ZNF30: variants seen among roughly 807,000 people sequenced by gnomAD.
ZNF30 encodes zinc finger protein 30, also known as zinc finger protein 30 (KOX 28).
ZNF30 carries 15 observed loss-of-function variants against 13.2 expected under a neutral mutation model. The ratio of observed to expected loss-of-function variants is 1.13; its 90% CI spans 0.76 to 1.75. The LOEUF (loss-of-function observed/expected upper bound fraction) is 1.75, where lower values mean the gene tolerates loss of function less well. Among genes scored for constraint, ZNF30 ranks in the 40% most tolerant of loss-of-function variants. The pLI is 0.00. For missense variants in ZNF30, 726 were observed against 757.0 expected (o/e 0.96, Z 0.48); for synonymous variants, 223 against 256.6 (o/e 0.87, Z 1.25).
At chr19:34,929,500 C>G (rs1317218571) in intron 1 of ZNF30, among the ~76,000 whole-genome samples, 2 of 152,180 alleles carry the variant, frequency 1.3e-5, no homozygotes, top group Admixed American at 6.5e-5. Flanking sequence ...CTTGACCAAC[C>G]TCAGATTTAT....
At chr19:34,942,460 GAAA>G in intron 4 of ZNF30, 1 of 355,104 alleles carries the variant, frequency 2.8e-6, no homozygotes, top group Non-Finnish European at 4.8e-6. Context: ...AAAAAGAAAA[GAAA>G]AAAAGAAAAA....
intron 2 of ZNF30, among the ~76,000 whole-genome samples, chr19:34,930,502 T>A (rs2012390286): frequency 6.6e-6 from 1 of 152,276 alleles, no homozygotes; most frequent in East Asian, 1.9e-4. Flanking sequence ...GAATGGGACC[T>A]GCCAGACTTG....
chr19:34,925,742 C>T (rs1358324823), upstream of ZNF30, among the ~76,000 whole-genome samples: 2 of 152,112 alleles, frequency 1.3e-5, no homozygotes, highest in African/African-American at 4.8e-5. Context: ...CCTCCTGTAC[C>T]CAGCACCTCC....
intron 1 of ZNF30, among the ~76,000 whole-genome samples, chr19:34,929,580 G>C (rs138130180): frequency 1.8e-4 from 28 of 152,324 alleles, no homozygotes; most frequent in Admixed American, 1.4e-3. Context: ...CGTGGGAATG[G>C]AGTGAGGAGA....
Position 34,944,387 on chromosome 19 carries a change from A to T in ZNF30, c.1421A>T (p.His474Leu). 6.2e-7 allele frequency: 1 copy of T among 1,614,228 alleles called. No homozygotes were observed. Among genetic ancestry groups the T allele is most frequent in the Non-Finnish European group, 8.5e-7 (1 of 1,180,048 alleles). The change falls in exon 5 of 5, where the codon CAT becomes CTT. Residue 474 changes from histidine (H) to leucine (L), a missense_variant. By Grantham distance (99) the His-to-Leu change is moderately conservative. Coordinates refer to ENST00000601142, the MANE Select transcript of ZNF30 (RefSeq NM_194325.3). ...AGAGTGCACGTACATCTCACACAGC[A>T]TCGGAAAATTCATACTGATGTAAAG... ...AFRVHVHLTQ[H>L]RKIHTDVKPY...
chr19:34,942,684 T>C (rs1040335207), intron 4 of ZNF30: 3 of 1,274,744 alleles, frequency 2.4e-6, no homozygotes, highest in Middle Eastern at 2.1e-4. Flanking sequence ...GTGAGAAAAT[T>C]TGTAAGAACG....
upstream of ZNF30, among the ~76,000 whole-genome samples, chr19:34,925,630 G>A (rs2012042781): frequency 6.6e-6 from 1 of 152,116 alleles, no homozygotes; most frequent in Non-Finnish European, 1.5e-5. Flanking sequence ...GGCCAGGGTG[G>A]TCTTGGGAAA....
chr19:34,927,248 G>C (rs992439211), intron 1 of ZNF30, 32 bp downstream of exon 1: 2 of 371,060 alleles, frequency 5.4e-6, no homozygotes, highest in Non-Finnish European at 9.6e-6. Flanking sequence ...CGAGGATCCC[G>C]GGCCGGCGAG....
In ZNF30 at chr19:34,943,420, G is replaced by A. The variant is rs543456020; in HGVS notation, c.454G>A (p.Glu152Lys). ...HSSEKPNRCK[E>K]CGKNFSNGHQ... ...TAGTGAAAAACCCAACAGATGTAAA[G>A]AATGTGGGAAGAACTTTAGTAATGG... The change falls in exon 5 of 5, where the codon GAA becomes AAA. Residue 152 changes from glutamate (E) to lysine (K), a missense_variant. By Grantham distance (56) the Glu-to-Lys change is moderately conservative. Transcript: ENST00000601142. 2 of 1,613,946 alleles carry A rather than the reference G, an allele frequency of 1.2e-6. No individual in the cohort carries two copies. Among genetic ancestry groups the A allele is most frequent in the Admixed American group, 1.7e-5 (1 of 60,018 alleles).
At chr19:34,924,053 G>C (rs2011988888), upstream of ZNF30, among the ~76,000 whole-genome samples, 1 of 152,092 alleles carries the variant, frequency 6.6e-6, no homozygotes, top group Non-Finnish European at 1.5e-5. Flanking sequence ...CAGCTGTAGG[G>C]TTTGTGAGTA....
At chr19:34,928,220 A>AAATATATATATATATATATAT (rs1555778254) in intron 1 of ZNF30, among the ~76,000 whole-genome samples, 12 of 73,394 alleles carry the variant, frequency 1.6e-4, no homozygotes, top group Non-Finnish European at 2.6e-4. Context: ...AAAAAAAAAA[A>AAATATATATATATATATATAT]ATATATATAT....
At chr19:34,934,467 G>A (rs997198593) in intron 4 of ZNF30, among the ~76,000 whole-genome samples, 1 of 152,066 alleles carries the variant, frequency 6.6e-6, no homozygotes, top group African/African-American at 2.4e-5. Context: ...GTCTCACTAT[G>A]TGGCTCAGGC....
At chr19:34,936,766 C>T (rs1394258667) in intron 4 of ZNF30, among the ~76,000 whole-genome samples, 1 of 152,040 alleles carries the variant, frequency 6.6e-6, no homozygotes, top group African/African-American at 2.4e-5. Flanking sequence ...CATGGTGGTA[C>T]ATACCTGCAG....
At chr19:34,943,142 G>A in intron 4 of ZNF30, 81 bp from the exon 5 acceptor site, 1 of 1,027,612 alleles carries the variant, frequency 9.7e-7, no homozygotes, top group East Asian at 2.8e-5. Flanking sequence ...TCTAGTTGGT[G>A]TTATTTTCAG....
rs558802740 is a variant in ZNF30 at position 34,933,192 on chromosome 19, A to G, written c.161-436A>G. 3.9e-5 allele frequency among the ~76,000 whole-genome samples: 6 copies of G among 152,162 alleles called. No homozygotes were observed. In the South Asian group the frequency reaches 1.3e-3, roughly 32 times the overall value. ...ACCTTTCGGCTGGGTGTGGTGGTTCATGCCTGTAATCCCAGCACTTTGGGA... is the reference window on the plus strand; with the variant it reads ...ACCTTTCGGCTGGGTGTGGTGGTTCGTGCCTGTAATCCCAGCACTTTGGGA... On this transcript the variant is annotated intron_variant, in intron 3 of 4. Coordinates refer to ENST00000601142, the MANE Select transcript of ZNF30 (RefSeq NM_194325.3).
At chr19:34,933,965 G>A (rs759368871) in intron 4 of ZNF30, among the ~76,000 whole-genome samples, 8 of 152,056 alleles carry the variant, frequency 5.3e-5, no homozygotes, top group Non-Finnish European at 1.0e-4. Flanking sequence ...ACGGACTTAA[G>A]TCACTTTCCC....
At chr19:34,940,057 G>A (rs1035120942) in intron 4 of ZNF30, among the ~76,000 whole-genome samples, 8 of 152,174 alleles carry the variant, frequency 5.3e-5, no homozygotes, top group Non-Finnish European at 1.2e-4. Context: ...AAGACTAAAT[G>A]TCATGAAATA....
chr19:34,925,732 C>T (rs1358199121), upstream of ZNF30, among the ~76,000 whole-genome samples: 1 of 152,060 alleles, frequency 6.6e-6, no homozygotes, highest in Non-Finnish European at 1.5e-5. Context: ...GGGACCACAC[C>T]CTCCTGTACC....
In ZNF30 at chr19:34,944,805, G is replaced by A. The variant is rs1166175844; in HGVS notation, c.1839G>A (p.Val613=). The A allele has an allele frequency of 6.8e-6, 11 of 1,606,798 alleles. No individual in the cohort carries two copies. The highest frequency in any genetic ancestry group is 9.4e-6 in the Non-Finnish European group (11 of 1,174,816). Residue 613 remains valine (V), a synonymous_variant, in exon 5 of 5, where the codon GTG becomes GTA. Transcript: ENST00000601142. The stretch of plus-strand genomic sequence containing the variant: ...TTAGATACAGTTCAGCCCTTAAAGT[G>A]CATCTGAGAAAACATATGAGTGTTA... ...KTFRYSSALK[V]HLRKHMSVIP is the part of the protein sequence containing the mutation.
Sources: gnomAD v4.1 joint callset for allele counts (sites outside exome capture counted in the v4.1 genomes callset) on GRCh38, gnomAD v4.1.1 for gene constraint, MANE v1.5 for transcripts, NCBI Gene and HGNC (gene_info 2026-07-23, HGNC 2026-07-21) for gene names.